The following IL16 variants were observed in gnomAD, a reference collection of about 807,000 sequenced individuals.
The protein encoded by IL16 is pro-interleukin-16.
In IL16, 67 loss-of-function variants were observed where a neutral mutation model predicts 110.1. That is an observed-to-expected ratio of 0.61 (90% CI 0.50 to 0.75). IL16 has a LOEUF of 0.75. Among genes scored for constraint, IL16 ranks in the 30% least tolerant of loss-of-function variants. The pLI is 0.00. For synonymous variants in IL16, 689 were observed against 662.9 expected, an observed-to-expected ratio of 1.04 and a Z score of -0.61; for missense variants, 1,545 against 1,655.0, an observed-to-expected ratio of 0.93 and a Z score of 1.15.
chr15:81,280,505 A>T (rs888243672), intron 8 of IL16, among the ~76,000 whole-genome samples: 1 of 152,228 alleles, frequency 6.6e-6, no homozygotes, highest in Admixed American at 6.5e-5. Flanking sequence ...ACATCAGCTT[A>T]TGCTTCAAAA....
At chr15:81,197,963 T>C in intron 1 of IL16, among the ~76,000 whole-genome samples, 1 of 152,140 alleles carries the variant, frequency 6.6e-6, no homozygotes, top group Non-Finnish European at 1.5e-5. Context: ...CTGCCGTCTC[T>C]GTGGCTCCCC....
At chr15:81,253,279 T>C (rs1380471955) in intron 2 of IL16, among the ~76,000 whole-genome samples, 2 of 152,314 alleles carry the variant, frequency 1.3e-5, no homozygotes, top group East Asian at 3.9e-4. Flanking sequence ...TTTGAAAAAA[T>C]GTCTATTCAC....
Position 81,263,204 on chromosome 15 carries a change from A to G in IL16, c.422-2455A>G, listed in dbSNP as rs551585411. On this transcript the variant is annotated intron_variant, in intron 3 of 18. Transcript: ENST00000683961. The stretch of plus-strand genomic sequence containing the variant: ...CCCCCTCATGAAAGATGAAGAAGTT[A>G]GCTTGGTGTTATTCATCCCTTTTCC... Among the ~76,000 whole-genome samples, 62 of 152,332 alleles carry G rather than the reference A, an allele frequency of 4.1e-4. 1 individual carries two copies. Among genetic ancestry groups the G allele is most frequent in the African/African-American group, 1.4e-3 (60 of 41,574 alleles).
intron 11 of IL16, chr15:81,291,909 A>G: frequency 2.2e-6 from 1 of 456,068 alleles, no homozygotes; most frequent in Non-Finnish European, 4.4e-6. Flanking sequence ...TAAAATTATC[A>G]TCCTCATTTT....
intron 1 of IL16, among the ~76,000 whole-genome samples, chr15:81,190,352 G>C (rs1895480834): frequency 1.3e-5 from 2 of 152,340 alleles, no homozygotes; most frequent in South Asian, 4.1e-4. Context: ...GCCCACCCAT[G>C]TGATAGGGCT....
intron 2 of IL16, among the ~76,000 whole-genome samples, chr15:81,254,660 C>A (rs530833078): frequency 6.4e-4 from 97 of 152,254 alleles, no homozygotes; most frequent in Non-Finnish European, 1.2e-3. Context: ...ATTTTGACAG[C>A]CCCTGACCTC....
chr15:81,204,461 G>A lies in IL16; in HGVS notation c.-102+7309G>A, dbSNP rs1178724936. Among the ~76,000 whole-genome samples the A allele has an allele frequency of 2.0e-5, 3 of 152,016 alleles. No individual in the cohort carries two copies. The East Asian group carries it at 5.8e-4, about 29-fold the overall frequency. Reference sequence around the variant, plus strand: ...TCAGTATGATATTGGCTGTGGGTTTGTCATAGATAGCTCTTATTATTTTGA... The same window carrying A: ...TCAGTATGATATTGGCTGTGGGTTTATCATAGATAGCTCTTATTATTTTGA... On this transcript the variant is annotated intron_variant, in intron 1 of 18. Transcript: ENST00000683961.
intron 2 of IL16, among the ~76,000 whole-genome samples, chr15:81,227,427 G>A (rs1896825678): frequency 6.6e-6 from 1 of 152,140 alleles, no homozygotes; most frequent in Non-Finnish European, 1.5e-5. Flanking sequence ...AAGTGGAGGG[G>A]GGTGCATCAC....
At chr15:81,182,930 T>C in intron 1 of IL16, 2 of 1,271,714 alleles carry the variant, frequency 1.6e-6, no homozygotes, top group Non-Finnish European at 2.1e-6. Context: ...CCCAGGGGAC[T>C]CAGGGGAGGT....
intron 12 of IL16, among the ~76,000 whole-genome samples, chr15:81,294,311 T>C (rs1424660250): frequency 6.6e-6 from 1 of 152,172 alleles, no homozygotes; most frequent in Non-Finnish European, 1.5e-5. Context: ...TTTAAGCCCA[T>C]ATTTCATTTT....
At chr15:81,240,485 T>G (rs1897305862) in intron 2 of IL16, among the ~76,000 whole-genome samples, 1 of 152,074 alleles carries the variant, frequency 6.6e-6, no homozygotes, top group East Asian at 1.9e-4. Flanking sequence ...CAGGTGTAAG[T>G]TTCTTTGTTC....
At chr15:81,236,149 C>T (rs560172603) in intron 2 of IL16, among the ~76,000 whole-genome samples, 2 of 152,326 alleles carry the variant, frequency 1.3e-5, no homozygotes, top group East Asian at 1.9e-4. Flanking sequence ...TCAGATCAGT[C>T]GTCTGAATCT....
intron 2 of IL16, among the ~76,000 whole-genome samples, chr15:81,258,982 C>T (rs1437557600): frequency 6.6e-6 from 1 of 152,006 alleles, no homozygotes; most frequent in Non-Finnish European, 1.5e-5. Context: ...CATATCCCTA[C>T]ACCCATCCCT....
chr15:81,211,521 G>A (rs1333560820), intron 1 of IL16, among the ~76,000 whole-genome samples: 2 of 152,138 alleles, frequency 1.3e-5, no homozygotes, highest in East Asian at 3.9e-4. Context: ...CAAAGCACTG[G>A]GATTACAAGC....
At chr15:81,235,598 A>C (rs1897154138) in intron 2 of IL16, among the ~76,000 whole-genome samples, 2 of 152,166 alleles carry the variant, frequency 1.3e-5, no homozygotes, top group Admixed American at 1.3e-4. Context: ...TATCAGGGGC[A>C]CAAGCTCTCC....
At chr15:81,296,632 T>C (rs1191176704) in intron 12 of IL16, among the ~76,000 whole-genome samples, 1 of 152,028 alleles carries the variant, frequency 6.6e-6, no homozygotes, top group African/African-American at 2.4e-5. Context: ...CCCTCCACAC[T>C]CAAAGCCTTT....
At chr15:81,222,223 C>T (rs1896639476) in intron 1 of IL16, among the ~76,000 whole-genome samples, 1 of 151,944 alleles carries the variant, frequency 6.6e-6, no homozygotes, top group Non-Finnish European at 1.5e-5. Context: ...ATGAAGGGGG[C>T]AGAGTTGAGG....
intron 7 of IL16, among the ~76,000 whole-genome samples, chr15:81,279,139 T>C (rs1899049842): frequency 6.6e-6 from 1 of 152,256 alleles, no homozygotes. Context: ...TGTGTATTTA[T>C]CATGGTATAT....
In IL16 at chr15:81,299,682, G is replaced by A. The variant is rs745776438; in HGVS notation, c.2356G>A (p.Ala786Thr). 6.2e-7 allele frequency: 1 copy of A among 1,614,210 alleles called. No homozygotes were observed. The highest frequency in any genetic ancestry group is 1.7e-5 in the Admixed American group (1 of 60,026). ...SSTVKKGPPV[A>T]PKPAWFRQSL... The stretch of plus-strand genomic sequence containing the variant: ...CACTGTGAAGAAAGGTCCTCCTGTG[G>A]CTCCCAAGCCAGCCTGGTTTCGCCA... Residue 786 changes from alanine (A) to threonine (T), a missense_variant, in exon 14 of 19, where the codon GCT becomes ACT. Around this residue, in one of 3 missense-constraint regions of IL16, gnomAD observed 1,185 missense variants for 1,238.8 expected, o/e 0.96. Transcript: ENST00000683961.
Sources: allele counts gnomAD v4.1 joint callset (sites outside exome capture counted in the v4.1 genomes callset), GRCh38; gene constraint gnomAD v4.1.1; regional missense constraint gnomAD v4.1.1; transcripts MANE v1.5; gene names NCBI Gene and HGNC (gene_info 2026-07-23, HGNC 2026-07-21).